SLC5A10: variants seen among roughly 807,000 people sequenced by gnomAD.
The protein encoded by SLC5A10 is solute carrier family 5 member 10, also known as sodium/mannose cotransporter SLC5A10.
SLC5A10 carries 55 observed loss-of-function variants against 68.9 expected under a neutral mutation model. That is an observed-to-expected ratio of 0.80 (90% CI 0.64 to 1.00). The LOEUF is 1.00. Among genes scored for constraint, SLC5A10 ranks in the 50% least tolerant of loss-of-function variants. The pLI is 0.00. For synonymous variants in SLC5A10, 344 were observed against 344.8 expected, an observed-to-expected ratio of 1.00 and a Z score of 0.02; for missense variants, 732 against 819.3, an observed-to-expected ratio of 0.89 and a Z score of 1.30.
intron 9 of SLC5A10, chr17:18,979,165 G>A (rs2043064930): frequency 2.0e-6 from 1 of 495,354 alleles, no homozygotes; most frequent in South Asian, 2.4e-5. Context: ...GGCCGCTGCT[G>A]CCATGCGTCT....
intron 5 of SLC5A10, among the ~76,000 whole-genome samples, chr17:18,961,223 C>A (rs2042608023): frequency 6.6e-6 from 1 of 152,150 alleles, no homozygotes; most frequent in Non-Finnish European, 1.5e-5. Flanking sequence ...AAACTAAGGC[C>A]CAGAGAAGGG....
intron 9 of SLC5A10, among the ~76,000 whole-genome samples, chr17:19,010,305 C>G (rs2043987313): frequency 6.6e-6 from 1 of 152,142 alleles, no homozygotes; most frequent in African/African-American, 2.4e-5. Context: ...GGGGCAACCC[C>G]TGGCTTCTGG....
Position 19,020,480 on chromosome 17 carries a change from C to T in SLC5A10, c.*49C>T. On this transcript the variant is annotated 3_prime_UTR_variant, in exon 15 of 15. Coordinates refer to ENST00000395645, the MANE Select transcript of SLC5A10 (RefSeq NM_001042450.4). ...CAGGAGCTCTGAGTCCTCAGGTCCA[C>T]CCATTTCCCTCATGGGGATCCCGAG... 1 of 1,570,948 alleles carries T rather than the reference C, an allele frequency of 6.4e-7. No homozygotes were observed. The highest frequency in any genetic ancestry group is 8.7e-7 in the Non-Finnish European group (1 of 1,143,808).
chr17:18,956,501 G>A (rs1366251652), intron 1 of SLC5A10, among the ~76,000 whole-genome samples: 1 of 121,338 alleles, frequency 8.2e-6, no homozygotes, highest in Non-Finnish European at 1.6e-5. Flanking sequence ...TTTTGAGACA[G>A]AGTCTTGCTC....
intron 1 of SLC5A10, among the ~76,000 whole-genome samples, chr17:18,956,227 A>G (rs2042497415): frequency 7.3e-6 from 1 of 137,796 alleles, no homozygotes; most frequent in African/African-American, 3.4e-5. Flanking sequence ...AAATAAATAA[A>G]TAAATAAATA....
chr17:18,959,074 G>T, intron 2 of SLC5A10, 61 bp from the exon 3 acceptor site: 1 of 1,517,468 alleles, frequency 6.6e-7, no homozygotes. Context: ...AAGCTATTAG[G>T]CCCAGGATGG....
At chr17:18,994,502 G>A (rs2043513621) in intron 9 of SLC5A10, among the ~76,000 whole-genome samples, 1 of 152,204 alleles carries the variant, frequency 6.6e-6, no homozygotes, top group African/African-American at 2.4e-5. Context: ...TGATAGCCGA[G>A]CAGCACACGA....
At chr17:19,013,553 G>C (rs759642697) in intron 10 of SLC5A10, 36 bp downstream of exon 10, 2 of 1,535,948 alleles carry the variant, frequency 1.3e-6, no homozygotes, top group Admixed American at 4.0e-5. Context: ...GGTGGAGGGC[G>C]TGGGGTTGGA....
rs879545958 is a variant in SLC5A10, at chr17:19,021,761, C to A, written c.*1330C>A. 4.5e-6 allele frequency: 2 copies of A among 449,016 alleles called. No individual in the cohort carries two copies. Among genetic ancestry groups the A allele is most frequent in the African/African-American group, 4.0e-5 (2 of 49,398 alleles). The allele number at this position is 449,016 out of a possible 1,614,324, so 27.8% of individuals were successfully genotyped here. On this transcript the variant is annotated 3_prime_UTR_variant, in exon 15 of 15. Coordinates refer to ENST00000395645, the MANE Select transcript of SLC5A10 (RefSeq NM_001042450.4). The surrounding 1 kb of genome is among the most constrained non-coding windows in gnomAD (Gnocchi z 4.1). ...ACCAGCCAGGAAGCCCCGGAGCTAC[C>A]CTTGCTGGGTACCCTTGCTGGGGGA...
At chr17:18,961,881 C>G (rs980284669) in intron 5 of SLC5A10, among the ~76,000 whole-genome samples, 2 of 152,184 alleles carry the variant, frequency 1.3e-5, no homozygotes, top group East Asian at 3.9e-4. Context: ...CCCAGAGTGT[C>G]TCATCCTTCG....
Position 19,021,879 on chromosome 17 carries a change from CAG to C in SLC5A10, c.*1451_*1452del. ...TCCACTGAGCCCCGTGTGACTCTGA[CAG>C]AGCTGGGGGTGTCCATGTCCTCTCT... On this transcript the variant is annotated 3_prime_UTR_variant, in exon 15 of 15. Transcript: ENST00000395645. This position sits in a 1 kb window ranked among gnomAD's most constrained non-coding sequence, Gnocchi z 4.1. 2.9e-6 allele frequency: 4 copies of C among 1,367,780 alleles called. No individual in the cohort carries two copies. Among genetic ancestry groups the C allele is most frequent in the Non-Finnish European group, 3.8e-6 (4 of 1,049,334 alleles). The allele number at this position is 1,367,780 out of a possible 1,614,324, so 84.7% of individuals were successfully genotyped here. A position where few individuals can be genotyped will look rare whatever the true frequency, so the allele number is the denominator to read the frequency against.
At chr17:19,002,866 A>C (rs928165082) in intron 9 of SLC5A10, among the ~76,000 whole-genome samples, 8 of 152,178 alleles carry the variant, frequency 5.3e-5, no homozygotes, top group African/African-American at 1.9e-4. Flanking sequence ...TTCCGGTGGC[A>C]AAATTCAGGT....
At chr17:19,006,009 C>G (rs1008833980) in intron 9 of SLC5A10, among the ~76,000 whole-genome samples, 8 of 152,120 alleles carry the variant, frequency 5.3e-5, no homozygotes, top group Non-Finnish European at 1.5e-5. Flanking sequence ...TCAGCTTCTC[C>G]CTGTGTTCTT....
chr17:19,011,281 G>A (rs1262830626), intron 9 of SLC5A10, among the ~76,000 whole-genome samples: 1 of 152,244 alleles, frequency 6.6e-6, no homozygotes, highest in East Asian at 1.9e-4. Context: ...GGGCCTTGAA[G>A]CAGGAGGTAA....
At chr17:19,008,271 G>T (rs892239262) in intron 9 of SLC5A10, among the ~76,000 whole-genome samples, 8 of 152,182 alleles carry the variant, frequency 5.3e-5, no homozygotes, top group Non-Finnish European at 1.2e-4. Context: ...AGACAAGAAT[G>T]ATCCAATGTG....
chr17:18,958,709 G>T lies in SLC5A10; in HGVS notation c.139G>T (p.Val47Leu). 2 of 1,614,214 alleles carry T rather than the reference G, an allele frequency of 1.2e-6. No homozygotes were observed. The highest frequency in any genetic ancestry group is 1.7e-6 in the Non-Finnish European group (2 of 1,180,048). ...WSSCRASRNTVNGYFLAGRDM... is the reference protein window; with the variant it reads ...WSSCRASRNTLNGYFLAGRDM... ...CTCTTGTCGGGCCAGTAGGAACACG[G>T]TGAATGGCTACTTCCTGGCAGGCCG... Residue 47 changes from valine (V) to leucine (L), a missense_variant, in exon 2 of 15, where the codon GTG becomes TTG. Physicochemically the swap from Val to Leu is conservative, Grantham distance 32 (BLOSUM62 1). Transcript: ENST00000395645.
intron 9 of SLC5A10, chr17:18,977,735 G>C (rs2043016054): frequency 1.2e-6 from 2 of 1,607,742 alleles, no homozygotes; most frequent in African/African-American, 2.7e-5. Flanking sequence ...CCGGCGCGGT[G>C]GTGGGGTTGG....
Position 19,003,471 on chromosome 17 carries a change from T to C in SLC5A10, c.983-9939T>C, listed in dbSNP as rs199921012. The C allele has an allele frequency of 1.7e-4, 248 of 1,496,846 alleles. No individual in the cohort carries two copies. The highest frequency in any genetic ancestry group is 2.2e-4 in the Non-Finnish European group (242 of 1,122,794). The allele number at this position is 1,496,846 out of a possible 1,614,324, so 92.7% of individuals were successfully genotyped here. On this transcript the variant is annotated intron_variant, in intron 9 of 14. Coordinates refer to ENST00000395645, the MANE Select transcript of SLC5A10 (RefSeq NM_001042450.4). This position sits in a 1 kb window ranked among gnomAD's most constrained non-coding sequence, Gnocchi z 4.5. ...CTGAGTGAGCCTGTATTGAGAGGGG[T>C]CCGGTGGCTGGTTGGGCCATGGCTC...
At chr17:18,956,465 GTTTT>G (rs750867503) in intron 1 of SLC5A10, among the ~76,000 whole-genome samples, 16 of 97,994 alleles carry the variant, frequency 1.6e-4, no homozygotes, top group African/African-American at 4.2e-4. Flanking sequence ...TTTTCTTTCT[GTTTT>G]TTTTTTTTTT....
Sources: allele counts gnomAD v4.1 joint callset (sites outside exome capture counted in the v4.1 genomes callset), GRCh38; gene constraint gnomAD v4.1.1; non-coding constraint Gnocchi (gnomAD v3.1); transcripts MANE v1.5; gene names NCBI Gene and HGNC (gene_info 2026-07-23, HGNC 2026-07-21).